Variants in SIGLECL1 observed in about 807,000 individuals in gnomAD.
SIGLECL1 encodes SIGLEC family like 1.
Under a neutral mutation model 19.1 loss-of-function variants are expected in SIGLECL1, and 16 were observed. The ratio of observed to expected loss-of-function variants is 0.84; its 90% CI spans 0.57 to 1.27. The LOEUF is 1.27. Among genes scored for constraint, SIGLECL1 ranks in the 50% most tolerant of loss-of-function variants. The probability of loss-of-function intolerance (pLI) is 0.00; values close to 1 mark genes in which losing one functional copy is unlikely to be tolerated. For synonymous variants in SIGLECL1, 89 were observed against 90.4 expected (o/e 0.98, Z 0.09); for missense variants, 210 against 239.4 (o/e 0.88, Z 0.81).
chr19:51,261,558 G>T (rs1983225730), intron 1 of SIGLECL1, among the ~76,000 whole-genome samples: 1 of 152,176 alleles, frequency 6.6e-6, no homozygotes. Context: ...AAAGTGCTGG[G>T]ATTACAGGCA....
chr19:51,252,704 A>T (rs1045548212), intron 1 of SIGLECL1, among the ~76,000 whole-genome samples: 1 of 152,194 alleles, frequency 6.6e-6, no homozygotes, highest in African/African-American at 2.4e-5. Flanking sequence ...GAAAAAGGGC[A>T]ATCAGTCTGG....
chr19:51,264,180 A>G (rs1983461235), intron 2 of SIGLECL1, 86 bp downstream of exon 2: 4 of 1,478,382 alleles, frequency 2.7e-6, no homozygotes, highest in Non-Finnish European at 3.7e-6. Context: ...AGGATGGGCT[A>G]TGGAGGCATG....
chr19:51,251,753 G>C (rs1181204812), intron 1 of SIGLECL1, among the ~76,000 whole-genome samples: 2 of 152,180 alleles, frequency 1.3e-5, no homozygotes, highest in African/African-American at 4.8e-5. Context: ...TCCCATGTGT[G>C]TCTATCAGTT....
upstream of SIGLECL1, among the ~76,000 whole-genome samples, chr19:51,247,547 T>C (rs538664889): frequency 1.5e-4 from 23 of 152,240 alleles, no homozygotes; most frequent in African/African-American, 5.1e-4. Flanking sequence ...GCCTCCCAAG[T>C]AGCTGGGACT....
chr19:51,259,194 A>G (rs1415197543), intron 1 of SIGLECL1, among the ~76,000 whole-genome samples: 1 of 188 alleles, frequency 5.3e-3, no homozygotes, highest in East Asian at 0.056. Flanking sequence ...TTGCGAAGAC[A>G]TAGGATTACA....
intron 1 of SIGLECL1, chr19:51,257,924 C>T (rs1362935838): frequency 6.6e-6 from 1 of 152,198 alleles, no homozygotes; most frequent in African/African-American, 2.4e-5. Flanking sequence ...GTTGACAGTA[C>T]TATGCATATT....
At position 51,251,434 on chromosome 19, in the gene SIGLECL1, G is replaced by A. The variant is rs975241328; in HGVS notation, c.-302G>A. On this transcript the variant is annotated 5_prime_UTR_variant, in exon 1 of 6. Coordinates refer to ENST00000601727, the MANE Select transcript of SIGLECL1 (RefSeq NM_001385465.1). Reference sequence around the variant, plus strand: ...GGCTAAATCTGAACAGTCAGGCGGTGAGATTAAGCATAGTCAGGGAGTTCG... The same window carrying A: ...GGCTAAATCTGAACAGTCAGGCGGTAAGATTAAGCATAGTCAGGGAGTTCG... 7 of 153,024 alleles carry A rather than the reference G, an allele frequency of 4.6e-5. No individual in the cohort carries two copies. Among genetic ancestry groups the A allele is most frequent in the Non-Finnish European group, 7.3e-5 (5 of 68,104 alleles). 9.5% of individuals were successfully genotyped at this position (153,024 alleles called of 1,614,324 possible).
Position 51,267,449 on chromosome 19 carries a change from A to G in SIGLECL1, c.487A>G (p.Ser163Gly). ...AAAAAAGAGCTCTAAAGTCAGAGCA[A>G]GCCAAGAACTTGAGATGTCTCTGAA... ...RAKKSSKVRA[S>G]QELEMSLKPE... Residue 163 changes from serine (S) to glycine (G), a missense_variant, in exon 5 of 6, where the codon AGC (serine) becomes GGC (glycine). Coordinates refer to ENST00000601727, the MANE Select transcript of SIGLECL1 (RefSeq NM_001385465.1). 1 of 1,614,248 alleles carries G rather than the reference A, an allele frequency of 6.2e-7. No homozygotes were observed. Among genetic ancestry groups the G allele is most frequent in the Non-Finnish European group, 8.5e-7 (1 of 1,180,042 alleles).
upstream of SIGLECL1, among the ~76,000 whole-genome samples, chr19:51,250,240 C>T (rs1982408880): frequency 6.6e-6 from 1 of 152,204 alleles, no homozygotes; most frequent in Non-Finnish European, 1.5e-5. Flanking sequence ...GTGCCTGCCA[C>T]CACGCCCAGC....
chr19:51,249,983 G>A (rs2123365726), upstream of SIGLECL1, among the ~76,000 whole-genome samples: 1 of 152,210 alleles, frequency 6.6e-6, no homozygotes, highest in Middle Eastern at 3.4e-3. Context: ...ACGTTGCCAT[G>A]GCATTTGTGA....
At position 51,269,099 on chromosome 19, in the gene SIGLECL1, T is replaced by C. The variant is rs28672947; in HGVS notation, c.*502T>C. The C allele has an allele frequency of 5.3e-3, 835 of 157,924 alleles. 12 individuals carry two copies. Among genetic ancestry groups the C allele is most frequent in the African/African-American group, 0.019 (785 of 41,584 alleles). 9.8% of individuals were successfully genotyped at this position (157,924 alleles called of 1,614,324 possible). On this transcript the variant is annotated 3_prime_UTR_variant, in exon 6 of 6. Coordinates refer to ENST00000601727, the MANE Select transcript of SIGLECL1 (RefSeq NM_001385465.1). ...TCCTTTGAACATCACATGACCCATA[T>C]CTGGGTGGAGAATGGGTGAAAAGTA... is the stretch of plus-strand genomic sequence containing the variant.
upstream of SIGLECL1, among the ~76,000 whole-genome samples, chr19:51,248,563 C>T (rs973543222): frequency 6.6e-6 from 1 of 152,184 alleles, no homozygotes; most frequent in African/African-American, 2.4e-5. Context: ...GCTTCAGCTC[C>T]TCCAAGAACA....
chr19:51,265,848 ATT>A lies in SIGLECL1; in HGVS notation c.377_378del (p.Ile126SerfsTer33). 6.2e-7 allele frequency: 1 copy of A among 1,614,056 alleles called. No individual in the cohort carries two copies. Among genetic ancestry groups the A allele is most frequent in the Non-Finnish European group, 8.5e-7 (1 of 1,180,012 alleles). Reference protein sequence around the residue: ...IQGAIYAGIVIALLFLCLLPL... With the variant: ...IQGAIYAGIVXALLFLCLLPL... ...GGGTGCTATCTATGCGGGAATTGTA[ATT>A]GCGCTGCTCTTCCTCTGCCTCCTCC... On this transcript the variant is annotated frameshift_variant, in exon 4 of 6. Coordinates refer to ENST00000601727, the MANE Select transcript of SIGLECL1 (RefSeq NM_001385465.1). LOFTEE classifies it high-confidence loss of function.
upstream of SIGLECL1, chr19:51,251,072 G>C (rs548333186): frequency 1.3e-5 from 2 of 152,232 alleles, no homozygotes; most frequent in African/African-American, 4.8e-5. Flanking sequence ...GATTGGCTGC[G>C]GGTGGATGCA....
chr19:51,264,323 TA>T (rs1487628871), intron 2 of SIGLECL1: 1 of 504,982 alleles, frequency 2.0e-6, no homozygotes, highest in Admixed American at 3.6e-5. Flanking sequence ...ATGGAGAGTG[TA>T]GGTGCTATGA....
chr19:51,268,117 T>C (rs1483933662), intron 5 of SIGLECL1, among the ~76,000 whole-genome samples: 1 of 152,204 alleles, frequency 6.6e-6, no homozygotes, highest in African/African-American at 2.4e-5. Context: ...ATAAGCCATC[T>C]GTTAAATTCC....
chr19:51,246,951 C>T (rs577967677), upstream of SIGLECL1, among the ~76,000 whole-genome samples: 33 of 152,298 alleles, frequency 2.2e-4, no homozygotes, highest in East Asian at 2.5e-3. Context: ...AGAAGTTAAT[C>T]GCTTACGTCC....
At chr19:51,265,754 T>G in intron 3 of SIGLECL1, 23 bp from the exon 4 acceptor site, 2 of 1,614,064 alleles carry the variant, frequency 1.2e-6, no homozygotes, top group Non-Finnish European at 1.7e-6. Context: ...ATGCCAAACT[T>G]CTCACATGCT....
intron 1 of SIGLECL1, among the ~76,000 whole-genome samples, chr19:51,262,099 G>A (rs2249782): frequency 0.47 from 70,791 of 151,976 alleles, 17,353 homozygotes; most frequent in Non-Finnish European, 0.51. Context: ...ACTTGCATTT[G>A]TCCTCCTTAA....
Sources: gnomAD v4.1 joint callset for allele counts (sites outside exome capture counted in the v4.1 genomes callset) on GRCh38, gnomAD v4.1.1 for gene constraint, MANE v1.5 for transcripts, NCBI Gene and HGNC (gene_info 2026-07-23, HGNC 2026-07-21) for gene names.